Variants in KIT observed in about 807,000 individuals in gnomAD.
KIT encodes the protein mast/stem cell growth factor receptor Kit.
In KIT, 16 loss-of-function variants were observed where a neutral mutation model predicts 105.7. The observed-to-expected ratio is 0.15, with a 90% CI of 0.10 to 0.23. The LOEUF (loss-of-function observed/expected upper bound fraction) is 0.23. KIT is among the 10% of genes least tolerant of loss of function. The probability of loss-of-function intolerance (pLI) is 1.00; values close to 1 mark genes in which losing one functional copy is unlikely to be tolerated. For missense variants in KIT, 858 were observed against 1,213.8 expected (o/e 0.71, Z 4.36); for synonymous variants, 438 against 441.1 (o/e 0.99, Z 0.09).
intron 11 of KIT, 48 bp from the exon 12 acceptor site, chr4:54,727,775 C>T (rs2109778787): frequency 6.8e-7 from 1 of 1,470,602 alleles, no homozygotes; most frequent in Non-Finnish European, 9.5e-7. Context: ...TCCTTCAATT[C>T]CACCACCAGC....
intron 4 of KIT, among the ~76,000 whole-genome samples, chr4:54,700,981 A>G (rs1720418916): frequency 6.6e-6 from 1 of 152,254 alleles, no homozygotes; most frequent in South Asian, 2.1e-4. Context: ...ATACAATCTC[A>G]TATTAATTGG....
chr4:54,716,433 T>C (rs1560409496), intron 7 of KIT, among the ~76,000 whole-genome samples: 1 of 152,076 alleles, frequency 6.6e-6, no homozygotes, highest in African/African-American at 2.4e-5. Context: ...AAAAATCAAG[T>C]TTTATTTTTA....
At chr4:54,727,083 G>T in intron 9 of KIT, 135 bp from the exon 10 acceptor site, 2 of 776,976 alleles carry the variant, frequency 2.6e-6, no homozygotes, top group Non-Finnish European at 4.7e-6. Flanking sequence ...CCAAGGTGAA[G>T]CTCTGAGACT....
intron 4 of KIT, among the ~76,000 whole-genome samples, chr4:54,703,245 G>A (rs1720564836): frequency 6.6e-6 from 1 of 152,138 alleles, no homozygotes; most frequent in Non-Finnish European, 1.5e-5. Context: ...TTCCAAGCTA[G>A]TTGTTGACAT....
intron 1 of KIT, among the ~76,000 whole-genome samples, chr4:54,679,884 C>T (rs1247710998): frequency 1.3e-5 from 2 of 152,056 alleles, no homozygotes; most frequent in African/African-American, 4.8e-5. Flanking sequence ...CCTTGCAGAC[C>T]TTATATTGAG....
At chr4:54,677,409 C>T (rs1718559036) in intron 1 of KIT, among the ~76,000 whole-genome samples, 1 of 152,126 alleles carries the variant, frequency 6.6e-6, no homozygotes, top group Non-Finnish European at 1.5e-5. Context: ...GAGAGAAGTT[C>T]TTGAGTATCA....
chr4:54,731,778 C>A, intron 15 of KIT, 93 bp from the exon 16 acceptor site: 2 of 1,329,036 alleles, frequency 1.5e-6, no homozygotes, highest in African/African-American at 1.4e-5. Context: ...TTAGTTCATT[C>A]ATTACCAGCC....
At chr4:54,702,803 T>C (rs1397337799) in intron 4 of KIT, among the ~76,000 whole-genome samples, 2 of 152,160 alleles carry the variant, frequency 1.3e-5, no homozygotes, top group African/African-American at 2.4e-5. Flanking sequence ...TTTATAATAC[T>C]GTCAGATGCT....
At chr4:54,724,321 C>T (rs1722082766) in intron 8 of KIT, among the ~76,000 whole-genome samples, 1 of 152,176 alleles carries the variant, frequency 6.6e-6, no homozygotes. Context: ...ATTTTATGCT[C>T]AGGCTTTAAA....
At chr4:54,676,168 T>C (rs952421114) in intron 1 of KIT, among the ~76,000 whole-genome samples, 4 of 152,300 alleles carry the variant, frequency 2.6e-5, no homozygotes, top group Admixed American at 2.0e-4. Flanking sequence ...GGTAGCTGGG[T>C]TCCCGAGTGT....
At position 54,657,991 on chromosome 4, in the gene KIT, T is replaced by C. The variant is rs1017550767; in HGVS notation, c.-24T>C. The C allele has an allele frequency of 1.2e-6, 2 of 1,611,960 alleles. No individual in the cohort carries two copies. The highest frequency in any genetic ancestry group is 1.7e-6 in the Non-Finnish European group (2 of 1,178,492). On this transcript the variant is annotated 5_prime_UTR_variant, in exon 1 of 21. Transcript: ENST00000288135. ...CGAGAGCTGGAACGTGGACCAGAGC[T>C]CGGATCCCATCGCAGCTACCGCGAT...
chr4:54,704,820 C>T (rs3111799), intron 5 of KIT, among the ~76,000 whole-genome samples: 146,474 of 152,234 alleles, frequency 0.96, 70,734 homozygotes, highest in Middle Eastern at 1. Context: ...TAAAGTGATG[C>T]GGTATTTGTT....
intron 7 of KIT, among the ~76,000 whole-genome samples, chr4:54,722,285 C>T (rs1385121175): frequency 1.3e-5 from 2 of 152,258 alleles, no homozygotes; most frequent in East Asian, 3.9e-4. Flanking sequence ...GCCACCGTGC[C>T]CAGCAATAAT....
At chr4:54,718,613 C>A (rs1379989632) in intron 7 of KIT, among the ~76,000 whole-genome samples, 2 of 152,146 alleles carry the variant, frequency 1.3e-5, no homozygotes, top group African/African-American at 4.8e-5. Context: ...GCCCACAAAT[C>A]TAAAATATTT....
chr4:54,712,965 G>A (rs1445634061), intron 7 of KIT, among the ~76,000 whole-genome samples: 2 of 152,024 alleles, frequency 1.3e-5, no homozygotes, highest in African/African-American at 2.4e-5. Context: ...ATTTGCAAAC[G>A]TTTGGACAGA....
chr4:54,661,623 A>G (rs1717274702), intron 1 of KIT, among the ~76,000 whole-genome samples: 2 of 152,230 alleles, frequency 1.3e-5, no homozygotes, highest in Non-Finnish European at 2.9e-5. Context: ...TTGCTGCATT[A>G]ATGTGCGGTA....
At position 54,731,918 on chromosome 4, in the gene KIT, G is replaced by A. The variant is rs746503007; in HGVS notation, c.2281G>A (p.Glu761Lys). 1.5e-5 allele frequency: 24 copies of A among 1,613,624 alleles called. No homozygotes were observed. The highest frequency in any genetic ancestry group is 3.3e-5 in the South Asian group (3 of 91,062). The change falls in exon 16 of 21, where the codon GAG becomes AAG. Residue 761 changes from glutamate (E) to lysine (K), a missense_variant. Transcript: ENST00000288135. ...DVTPAIMEDDELALDLEDLLS... is the reference protein window; with the variant it reads ...DVTPAIMEDDKLALDLEDLLS... Reference sequence around the variant, plus strand: ...GACTCCCGCCATCATGGAGGATGACGAGTTGGCCCTAGACTTAGAAGACTT... The same window carrying A: ...GACTCCCGCCATCATGGAGGATGACAAGTTGGCCCTAGACTTAGAAGACTT...
At chr4:54,737,817 G>A (rs765836491) in intron 20 of KIT, among the ~76,000 whole-genome samples, 120 of 152,300 alleles carry the variant, frequency 7.9e-4, no homozygotes, top group Non-Finnish European at 1.3e-3. Flanking sequence ...TGGGAAGTGT[G>A]GGGGAATGAA....
At position 54,659,290 on chromosome 4, in the gene KIT, G is replaced by A. The variant is rs372703130; in HGVS notation, c.67+1209G>A. Reference sequence around the variant, plus strand: ...ATTTGCAGGTTGCTGGAGCCCCTTGGTCAGATTCCTGCCTCCCGTTCCCTT... The same window carrying A: ...ATTTGCAGGTTGCTGGAGCCCCTTGATCAGATTCCTGCCTCCCGTTCCCTT... On this transcript the variant is annotated intron_variant, in intron 1 of 20. Coordinates refer to ENST00000288135, the MANE Select transcript of KIT (RefSeq NM_000222.3). Among the ~76,000 whole-genome samples, 12 of 152,288 alleles carry A rather than the reference G, an allele frequency of 7.9e-5. 1 individual carries two copies. The highest frequency in any genetic ancestry group is 2.9e-4 in the African/African-American group (12 of 41,566).
Sources: gnomAD v4.1 joint callset for allele counts (sites outside exome capture counted in the v4.1 genomes callset) on GRCh38, gnomAD v4.1.1 for gene constraint, MANE v1.5 for transcripts, NCBI Gene and HGNC (gene_info 2026-07-23, HGNC 2026-07-21) for gene names.